Variants in SREK1 observed in about 807,000 individuals in gnomAD.
The protein encoded by SREK1 is splicing regulatory glutamine/lysine-rich protein 1.
SREK1 carries 13 observed loss-of-function variants against 66.5 expected under a neutral mutation model. The observed-to-expected ratio is 0.20, with a 90% CI of 0.13 to 0.31. The LOEUF (loss-of-function observed/expected upper bound fraction) is 0.31. Ranked by LOEUF, SREK1 falls within the 10% of genes least tolerant of loss-of-function variation. The pLI is 1.00. For missense variants in SREK1, 607 were observed against 769.6 expected, an observed-to-expected ratio of 0.79 and a Z score of 2.50; for synonymous variants, 265 against 263.5, an observed-to-expected ratio of 1.01 and a Z score of -0.05.
rs141052674 is a variant in SREK1, at chr5:66,170,772, C to T, written c.1309C>T (p.Arg437Trp). Residue 437 changes from arginine to tryptophan, a missense_variant, in exon 9 of 12, where the codon CGG becomes TGG. This residue lies in a region of SREK1 where 318 missense variants were observed against 310.3 expected (regional missense o/e 1.02). Transcript: ENST00000334121. ...CAAGGAAAAGGACAGAGAGAGAGAA[C>T]GGGAAAAAGAGCATGAGAAGGATCG... Reference protein sequence around the residue: ...KDKEKDREREREKEHEKDRDK... With the variant: ...KDKEKDREREWEKEHEKDRDK... 8.4e-4 allele frequency: 1,349 copies of T among 1,599,416 alleles called. 1 individual carries two copies. Among genetic ancestry groups the T allele is most frequent in the Middle Eastern group, 2.2e-3 (13 of 6,032 alleles).
At chr5:66,157,648 A>G (rs1744404310) in intron 2 of SREK1, 1 of 970,318 alleles carries the variant, frequency 1.0e-6, no homozygotes, top group Non-Finnish European at 1.2e-6. Flanking sequence ...TGTTTTCAGT[A>G]AGGCCTACCT....
Position 66,177,567 on chromosome 5 carries a change from GAA to G in SREK1, c.1635_1636del (p.Glu549ThrfsTer10). ...AAAGAAAGGGACCACATCAGTGAAA[GAA>G]GAGAGAGAGAACGTTCAACGTCTAT... On this transcript the variant is annotated frameshift_variant, in exon 11 of 12. Transcript: ENST00000334121. LOFTEE classifies it high-confidence loss of function. The G allele has an allele frequency of 1.2e-6, 2 of 1,610,234 alleles. No homozygotes were observed. The highest frequency in any genetic ancestry group is 1.3e-5 in the African/African-American group (1 of 74,780).
intron 1 of SREK1, among the ~76,000 whole-genome samples, chr5:66,152,798 A>G (rs1226181885): frequency 6.6e-6 from 1 of 152,204 alleles, no homozygotes; most frequent in African/African-American, 2.4e-5. Context: ...AACAGGATGT[A>G]TTCATTTTAG....
In SREK1 at chr5:66,179,820, CAT is replaced by C. The variant is rs1318105670; in HGVS notation, c.*955_*956del. The C allele has an allele frequency of 2.0e-5, 3 of 152,456 alleles. No homozygotes were observed. Among genetic ancestry groups the C allele is most frequent in the Non-Finnish European group, 4.4e-5 (3 of 67,962 alleles). The allele number at this position is 152,456 out of a possible 1,614,324, so 9.4% of individuals were successfully genotyped here. A position where few individuals can be genotyped will look rare whatever the true frequency, so the allele number is the denominator to read the frequency against. On this transcript the variant is annotated 3_prime_UTR_variant, in exon 12 of 12. Transcript: ENST00000334121. ...TTATATGTGCTAGTCATTCTCAATT[CAT>C]ATGGAATCTAGATGGATATTTCATG... is the stretch of plus-strand genomic sequence containing the variant.
At chr5:66,157,858 C>T in intron 2 of SREK1, 1 of 298,322 alleles carries the variant, frequency 3.4e-6, no homozygotes, top group Non-Finnish European at 4.9e-6. Context: ...TGAGTTCCAT[C>T]CATGTTTAAA....
chr5:66,166,847 T>C (rs971176575), intron 7 of SREK1: 6 of 152,056 alleles, frequency 3.9e-5, no homozygotes, highest in African/African-American at 1.5e-4. Flanking sequence ...TAGCCTTAAG[T>C]TCAAGAACAA....
Position 66,162,403 on chromosome 5 carries a change from T to C in SREK1, c.577-11T>C, listed in dbSNP as rs1179348411. ...GATATATTTTATCAAAGTGTCACTT[T>C]GTTCCCTTAGACAACGACAGCTGAT... On this transcript the variant is annotated splice_polypyrimidine_tract_variant and intron_variant, in intron 4 of 11. Transcript: ENST00000334121. 2 of 1,613,080 alleles carry C rather than the reference T, an allele frequency of 1.2e-6. No homozygotes were observed. The highest frequency in any genetic ancestry group is 3.3e-5 in the Admixed American group (2 of 59,972).
chr5:66,164,067 C>A, intron 6 of SREK1, 145 bp downstream of exon 6: 1 of 970,850 alleles, frequency 1.0e-6, no homozygotes. Flanking sequence ...GTAGCATACT[C>A]ATGTCAAAGA....
In SREK1 at chr5:66,144,551, C is replaced by G. The variant is rs1417042940; in HGVS notation, c.161+14C>G. ...CTACCCCCCGGAGTAAGTGCTGGAG[C>G]TCGGCTGGGGGAGGGGCGCGGGCGC... is the stretch of plus-strand genomic sequence containing the variant. On this transcript the variant is annotated intron_variant, in intron 1 of 11. Coordinates refer to ENST00000334121, the MANE Select transcript of SREK1 (RefSeq NM_001077199.3). The G allele has an allele frequency of 1.9e-6, 3 of 1,545,818 alleles. No homozygotes were observed. The African/African-American group carries it at 4.1e-5, about 21-fold the overall frequency.
intron 2 of SREK1, chr5:66,158,072 T>C (rs1744438993): frequency 6.6e-6 from 1 of 152,088 alleles, no homozygotes; most frequent in East Asian, 1.9e-4. Context: ...CACATGAGTG[T>C]TCTTCTAAAT....
chr5:66,177,668 A>C lies in SREK1; in HGVS notation c.1725+10A>C. 2 of 1,583,070 alleles carry C rather than the reference A, an allele frequency of 1.3e-6. No homozygotes were observed. Among genetic ancestry groups the C allele is most frequent in the Non-Finnish European group, 1.7e-6 (2 of 1,169,156 alleles). On this transcript the variant is annotated intron_variant, in intron 11 of 11. Coordinates refer to ENST00000334121, the MANE Select transcript of SREK1 (RefSeq NM_001077199.3). ...CAGTACTTCACTTAAAGTAAGCAGC[A>C]GTCATTCGGTGTCTGGCACTTGAAA...
At chr5:66,166,010 C>A (rs1745145541) in intron 7 of SREK1, 1 of 152,156 alleles carries the variant, frequency 6.6e-6, no homozygotes, top group Non-Finnish European at 1.5e-5. Context: ...TGCAAAATCT[C>A]CTTTGGAATA....
chr5:66,161,189 G>T (rs1211216196), intron 3 of SREK1, among the ~76,000 whole-genome samples: 1 of 152,146 alleles, frequency 6.6e-6, no homozygotes, highest in Non-Finnish European at 1.5e-5. Flanking sequence ...ATTGTTGACT[G>T]TTAGGAACTC....
At chr5:66,159,927 G>A (rs1744602761) in intron 3 of SREK1, among the ~76,000 whole-genome samples, 1 of 152,022 alleles carries the variant, frequency 6.6e-6, no homozygotes, top group South Asian at 2.1e-4. Flanking sequence ...TCGGGAGATC[G>A]AGACCATCCT....
intron 2 of SREK1, chr5:66,156,912 TGA>T: frequency 1.1e-6 from 1 of 889,974 alleles, no homozygotes; most frequent in Non-Finnish European, 1.3e-6. Flanking sequence ...TATAATACTG[TGA>T]GAGATGTTTT....
At position 66,154,464 on chromosome 5, in the gene SREK1, G is replaced by A. The variant is rs148927745; in HGVS notation, c.295+868G>A. 4.3e-3 allele frequency among the ~76,000 whole-genome samples: 651 copies of A among 152,236 alleles called. 4 individuals carry two copies. The highest frequency in any genetic ancestry group is 0.014 in the African/African-American group (599 of 41,556). On this transcript the variant is annotated intron_variant, in intron 2 of 11. Coordinates refer to ENST00000334121, the MANE Select transcript of SREK1 (RefSeq NM_001077199.3). ...AATGTCTTAAAGTAGATTTTCTCTG[G>A]TGGATGATTGAAACTGTTTTAAACA...
At position 66,159,237 on chromosome 5, in the gene SREK1, C is replaced by A. The variant is rs948934900; in HGVS notation, c.314C>A (p.Ser105Tyr). The change falls in exon 3 of 12, where the codon TCC becomes TAC. Residue 105 changes from serine (S) to tyrosine (Y), a missense_variant. Ser to Tyr is a moderately radical substitution (Grantham distance 144, BLOSUM62 -2). Around this residue, in one of 5 missense-constraint regions of SREK1, gnomAD observed 99 missense variants for 186.6 expected, o/e 0.53. Transcript: ENST00000334121. ...PCAEGKIPEESKALSLLAPAP... is the reference protein window; with the variant it reads ...PCAEGKIPEEYKALSLLAPAP... ...TCTGCAGGTAAAATCCCAGAGGAAT[C>A]CAAAGCCCTCTCTTTATTGGCTCCT... The A allele has an allele frequency of 6.2e-7, 1 of 1,612,478 alleles. No homozygotes were observed. The highest frequency in any genetic ancestry group is 8.5e-7 in the Non-Finnish European group (1 of 1,179,440).
At chr5:66,154,371 ATTAAC>A (rs1744105305) in intron 2 of SREK1, among the ~76,000 whole-genome samples, 1 of 152,324 alleles carries the variant, frequency 6.6e-6, no homozygotes, top group Admixed American at 6.5e-5. Flanking sequence ...CTGGTGTATA[ATTAAC>A]TTTTATTCAG....
chr5:66,153,411 T>C, intron 1 of SREK1, 52 bp from the exon 2 acceptor site: 1 of 1,578,376 alleles, frequency 6.3e-7, no homozygotes, highest in Non-Finnish European at 8.6e-7. Context: ...GTGAAAATGA[T>C]AAAACCAAGC....
Sources: allele counts gnomAD v4.1 joint callset (sites outside exome capture counted in the v4.1 genomes callset), GRCh38; gene constraint gnomAD v4.1.1; regional missense constraint gnomAD v4.1.1; transcripts MANE v1.5; gene names NCBI Gene and HGNC (gene_info 2026-07-23, HGNC 2026-07-21).